Variants in TRIO observed in about 807,000 individuals in gnomAD.
The protein encoded by TRIO is triple functional domain protein.
TRIO carries 58 observed loss-of-function variants against 351.9 expected under a neutral mutation model. That is an observed-to-expected ratio of 0.16 (90% CI 0.13 to 0.21). The LOEUF (loss-of-function observed/expected upper bound fraction) is 0.21. Among genes scored for constraint, TRIO ranks in the 10% least tolerant of loss-of-function variants. The pLI, the probability that TRIO is intolerant of heterozygous loss-of-function variation, is 1.00. For synonymous variants in TRIO, 1,758 were observed against 1,595.7 expected, an observed-to-expected ratio of 1.10 and a Z score of -2.42; for missense variants, 3,201 against 4,027.8, an observed-to-expected ratio of 0.79 and a Z score of 5.56.
At chr5:14,277,691 C>G (rs1281305295) in intron 2 of TRIO, among the ~76,000 whole-genome samples, 1 of 152,178 alleles carries the variant, frequency 6.6e-6, no homozygotes, top group Non-Finnish European at 1.5e-5. Context: ...TACTCAGATG[C>G]TATTTTCATT....
At chr5:14,211,449 G>A (rs1488706116) in intron 1 of TRIO, among the ~76,000 whole-genome samples, 1 of 152,122 alleles carries the variant, frequency 6.6e-6, no homozygotes, top group Non-Finnish European at 1.5e-5. Flanking sequence ...CCCCTGCTGT[G>A]AATTAACCTA....
chr5:14,386,788 T>C (rs1053033113), intron 21 of TRIO, among the ~76,000 whole-genome samples: 6 of 152,202 alleles, frequency 3.9e-5, no homozygotes, highest in African/African-American at 1.4e-4. Context: ...ACATACAAAA[T>C]AGAATAATTT....
Position 14,290,831 on chromosome 5 carries a change from C to T in TRIO, c.656C>T (p.Ala219Val). ...NHEEWIEIRVAFEDYISNATH... is the reference protein window; with the variant it reads ...NHEEWIEIRVVFEDYISNATH... Reference sequence around the variant, plus strand: ...GAAGAATGGATTGAAATCAGAGTTGCTTTTGAAGACTACATTAGCAATGCC... The same window carrying T: ...GAAGAATGGATTGAAATCAGAGTTGTTTTTGAAGACTACATTAGCAATGCC... Residue 219 changes from alanine (A) to valine (V), a missense_variant, in exon 5 of 57, where the codon GCT becomes GTT. Physicochemically the swap from Ala to Val is moderately conservative, Grantham distance 64. Coordinates refer to ENST00000344204, the MANE Select transcript of TRIO (RefSeq NM_007118.4). The T allele has an allele frequency of 1.2e-6, 2 of 1,614,078 alleles. No individual in the cohort carries two copies. Among genetic ancestry groups the T allele is most frequent in the Non-Finnish European group, 1.7e-6 (2 of 1,180,026 alleles).
At chr5:14,374,443 A>C (rs1021295249) in intron 19 of TRIO, 100 bp downstream of exon 19, 1 of 739,560 alleles carries the variant, frequency 1.4e-6, no homozygotes, top group South Asian at 2.0e-5. Flanking sequence ...CTTCAGTTTC[A>C]TTTTAAATGT....
chr5:14,369,030 G>A, intron 17 of TRIO, 131 bp downstream of exon 17: 1 of 1,159,762 alleles, frequency 8.6e-7, no homozygotes, highest in Non-Finnish European at 1.2e-6. Context: ...GCAGGGAAAA[G>A]GCATTCTGGA....
intron 9 of TRIO, among the ~76,000 whole-genome samples, chr5:14,327,330 A>G (rs767850353): frequency 1.6e-4 from 25 of 152,046 alleles, no homozygotes; most frequent in Admixed American, 2.0e-4. Context: ...ACGCCCGGCT[A>G]ATTTTGTATT....
chr5:14,472,632 G>T lies in TRIO; in HGVS notation c.5953G>T (p.Val1985Leu). 1 of 1,614,106 alleles carries T rather than the reference G, an allele frequency of 6.2e-7. No homozygotes were observed. The highest frequency in any genetic ancestry group is 8.5e-7 in the Non-Finnish European group (1 of 1,179,978). The part of the protein sequence containing the change: ...QELVETERDY[V>L]RDLGYVVEGY... The stretch of plus-strand genomic sequence containing the variant: ...ACTAGTGGAGACAGAGCGTGACTAT[G>T]TGCGGGACCTTGGCTATGTGGTTGA... Residue 1985 changes from valine to leucine, a missense_variant, in exon 39 of 57, where the codon GTG (valine) becomes TTG (leucine). Val to Leu is a conservative substitution (Grantham distance 32). Transcript: ENST00000344204.
chr5:14,313,346 C>T (rs1170092246), intron 8 of TRIO, among the ~76,000 whole-genome samples: 4 of 152,140 alleles, frequency 2.6e-5, no homozygotes, highest in African/African-American at 4.8e-5. Context: ...GTGTGTCCTT[C>T]GAAATCCAGT....
intron 1 of TRIO, among the ~76,000 whole-genome samples, chr5:14,269,271 G>A (rs1421519966): frequency 3.3e-5 from 5 of 152,178 alleles, no homozygotes; most frequent in East Asian, 1.9e-4. Context: ...GGACAGGAGC[G>A]ATTTACATTA....
At chr5:14,328,981 G>C (rs1370915739) in intron 9 of TRIO, among the ~76,000 whole-genome samples, 1 of 152,048 alleles carries the variant, frequency 6.6e-6, no homozygotes, top group African/African-American at 2.4e-5. Flanking sequence ...TACTAACTTT[G>C]CTAGACCTTG....
chr5:14,493,462 A>G (rs1203864439), intron 49 of TRIO, among the ~76,000 whole-genome samples: 1 of 152,180 alleles, frequency 6.6e-6, no homozygotes, highest in African/African-American at 2.4e-5. Flanking sequence ...GGTGATATGT[A>G]GTTAGTGATG....
At chr5:14,288,915 A>G (rs917503838) in intron 4 of TRIO, among the ~76,000 whole-genome samples, 3 of 152,094 alleles carry the variant, frequency 2.0e-5, no homozygotes, top group Non-Finnish European at 4.4e-5. Flanking sequence ...ATTAATATTA[A>G]TCTGCTTCAC....
intron 11 of TRIO, among the ~76,000 whole-genome samples, chr5:14,344,534 A>G: frequency 6.6e-6 from 1 of 152,208 alleles, no homozygotes; most frequent in South Asian, 2.1e-4. Flanking sequence ...GGAAAGTGAG[A>G]CAAATTAAAT....
Position 14,482,633 on chromosome 5 carries a change from A to G in TRIO, c.6517A>G (p.Thr2173Ala). 2.5e-6 allele frequency: 4 copies of G among 1,591,994 alleles called. No individual in the cohort carries two copies. Among genetic ancestry groups the G allele is most frequent in the Non-Finnish European group, 3.4e-6 (4 of 1,166,166 alleles). The change falls in exon 46 of 57, where the codon ACA (threonine) becomes GCA (alanine). Residue 2173 changes from threonine to alanine, a missense_variant. Around this residue, in one of 19 missense-constraint regions of TRIO, gnomAD observed 1,089 missense variants for 954.9 expected, o/e 1.14. Transcript: ENST00000344204. ...GCTCTTGCAGGACACATTCTTGGTC[A>G]CAGACCAAGATGCAGGACTTCTGCC... ...KLLLQDTFLVTDQDAGLLPRC... is the reference protein window; with the variant it reads ...KLLLQDTFLVADQDAGLLPRC...
intron 1 of TRIO, chr5:14,183,666 A>T (rs759751817): frequency 1.8e-4 from 54 of 307,810 alleles, no homozygotes; most frequent in Non-Finnish European, 2.9e-4. Flanking sequence ...TTCCCCCTCC[A>T]TAATGGGTTT....
At chr5:14,284,890 C>T (rs944142866) in intron 3 of TRIO, among the ~76,000 whole-genome samples, 1 of 152,190 alleles carries the variant, frequency 6.6e-6, no homozygotes, top group Non-Finnish European at 1.5e-5. Context: ...GCTTCCTTTG[C>T]AGAGCTCTTG....
rs1434184884 is a variant in TRIO, at chr5:14,295,617, T to A, written c.1177-1455T>A. Among the ~76,000 whole-genome samples, 6 of 152,218 alleles carry A rather than the reference T, an allele frequency of 3.9e-5. No homozygotes were observed. The South Asian group carries it at 1.2e-3, about 32-fold the overall frequency. On this transcript the variant is annotated intron_variant, in intron 6 of 56. Transcript: ENST00000344204. ...TTCCTAACAGACCTGTCGGACTGGCTTTTTCTCTTTTAAGGATATAGAGAA... is the reference window on the plus strand; with the variant it reads ...TTCCTAACAGACCTGTCGGACTGGCATTTTCTCTTTTAAGGATATAGAGAA...
At chr5:14,349,684 A>G (rs928090215) in intron 11 of TRIO, among the ~76,000 whole-genome samples, 4 of 152,158 alleles carry the variant, frequency 2.6e-5, no homozygotes, top group African/African-American at 9.7e-5. Flanking sequence ...ACCTTTCTCC[A>G]TTTAATATAA....
rs376512509 is a variant in TRIO at position 14,173,372 on chromosome 5, G to T, written c.157+29490G>T. On this transcript the variant is annotated intron_variant, in intron 1 of 56. Transcript: ENST00000344204. ...ACTGCAGGCATGCACCACCATGTCC[G>T]GCTAAGTTTTTCTATTTTCAGTAGA... Among the ~76,000 whole-genome samples, 3 of 151,714 alleles carry T rather than the reference G, an allele frequency of 2.0e-5. No homozygotes were observed. In the East Asian group the frequency reaches 5.8e-4, roughly 29 times the overall value.
Sources: gnomAD v4.1 joint callset for allele counts (sites outside exome capture counted in the v4.1 genomes callset) on GRCh38, gnomAD v4.1.1 for gene constraint, gnomAD v4.1.1 regional missense constraint, MANE v1.5 for transcripts, NCBI Gene and HGNC (gene_info 2026-07-23, HGNC 2026-07-21) for gene names.